The following UBE2O variants were observed in gnomAD, a reference collection of about 807,000 sequenced individuals.
UBE2O encodes the protein ubiquitin conjugating enzyme E2 O, also known as (E3-independent) E2 ubiquitin-conjugating enzyme.
In UBE2O, 15 loss-of-function variants were observed where a neutral mutation model predicts 125.8. The ratio of observed to expected loss-of-function variants is 0.12; its 90% CI spans 0.08 to 0.18. The LOEUF is 0.18. Ranked by LOEUF, UBE2O falls within the 10% of genes least tolerant of loss-of-function variation. UBE2O has a pLI of 1.00. For missense variants in UBE2O, 1,280 were observed against 1,723.6 expected, an observed-to-expected ratio of 0.74 and a Z score of 4.56; for synonymous variants, 708 against 703.2, an observed-to-expected ratio of 1.01 and a Z score of -0.11.
At chr17:76,420,382 C>T (rs1670876069) in intron 1 of UBE2O, among the ~76,000 whole-genome samples, 1 of 152,136 alleles carries the variant, frequency 6.6e-6, no homozygotes, top group Admixed American at 6.5e-5. Flanking sequence ...CCTATCTTCC[C>T]ACAGTGGTCC....
At chr17:76,394,586 A>G (rs927474232) in intron 15 of UBE2O, among the ~76,000 whole-genome samples, 3 of 152,248 alleles carry the variant, frequency 2.0e-5, no homozygotes, top group East Asian at 3.8e-4. Flanking sequence ...TAAACAAATC[A>G]TACAAAATAT....
At position 76,390,540 on chromosome 17, in the gene UBE2O, A is replaced by AC. The variant is rs3833087; in HGVS notation, c.*402dup. ...AGGGACCAGGGGAATTGTTGGCGCA[A>AC]CCCACACTTCATGCAAGGCACATGT... On this transcript the variant is annotated 3_prime_UTR_variant, in exon 18 of 18. Transcript: ENST00000319380. 41 of 172,430 alleles carry AC rather than the reference A, an allele frequency of 2.4e-4. No homozygotes were observed. In the East Asian group the frequency reaches 6.1e-3, roughly 26 times the overall value. The allele number at this position is 172,430 out of a possible 1,614,324, so 10.7% of individuals were successfully genotyped here.
intron 1 of UBE2O, among the ~76,000 whole-genome samples, chr17:76,444,396 T>C (rs2073122919): frequency 6.6e-6 from 1 of 151,978 alleles, no homozygotes; most frequent in South Asian, 2.1e-4. Context: ...TACAAAAATA[T>C]TTTAAAAAGC....
At chr17:76,431,058 T>A in intron 1 of UBE2O, 2 of 192,528 alleles carry the variant, frequency 1.0e-5, no homozygotes, top group South Asian at 1.7e-4. Context: ...TCTGTGAAAT[T>A]CCTTTGCTTT....
chr17:76,416,507 G>A (rs1056621275), intron 1 of UBE2O, among the ~76,000 whole-genome samples: 9 of 152,160 alleles, frequency 5.9e-5, no homozygotes, highest in Non-Finnish European at 8.8e-5. Context: ...AGGAGAAGAG[G>A]AGCCCTGGAG....
intron 5 of UBE2O, 92 bp from the exon 6 acceptor site, chr17:76,401,246 T>G (rs1229679477): frequency 2.0e-6 from 3 of 1,467,630 alleles, no homozygotes; most frequent in African/African-American, 2.8e-5. Flanking sequence ...GCTGCCCACC[T>G]GCAGAAGCCC....
intron 1 of UBE2O, among the ~76,000 whole-genome samples, chr17:76,450,744 C>A (rs953500968): frequency 9.9e-5 from 15 of 152,152 alleles, no homozygotes; most frequent in African/African-American, 3.6e-4. Flanking sequence ...GCCTCAGCCT[C>A]CCGAGTAGCT....
intron 1 of UBE2O, among the ~76,000 whole-genome samples, chr17:76,416,152 G>A (rs2072611162): frequency 6.6e-6 from 1 of 151,592 alleles, no homozygotes; most frequent in Non-Finnish European, 1.5e-5. Flanking sequence ...TATATAAAGT[G>A]TGGCTTTATA....
In UBE2O at chr17:76,399,231, T is replaced by C; in HGVS notation, c.1628+218A>G. The stretch of plus-strand genomic sequence containing the variant: ...CAAATGTGGTTCCAGAAGGCCAAGC[T>C]TAAGGCCACCACCATCCCACCCTCT... On this transcript the variant is annotated intron_variant, in intron 9 of 17. Transcript: ENST00000319380. The surrounding 1 kb of genome is among the most constrained non-coding windows in gnomAD (Gnocchi z 6.9). The C allele has an allele frequency of 2.8e-6, 2 of 712,272 alleles. No homozygotes were observed. The highest frequency in any genetic ancestry group is 4.6e-6 in the Non-Finnish European group (2 of 437,802). The allele number at this position is 712,272 out of a possible 1,614,324, so 44.1% of individuals were successfully genotyped here. A position where few individuals can be genotyped will look rare whatever the true frequency, so the allele number is the denominator to read the frequency against.
In UBE2O at chr17:76,400,325, T is replaced by C; in HGVS notation, c.1005-28A>G. Reference sequence around the variant, plus strand: ...GGTTGGGGAAGAAGTGGGGGTGAGCTGGGCTGGACTCCTGGGAGGCCAGCA... The same window carrying C: ...GGTTGGGGAAGAAGTGGGGGTGAGCCGGGCTGGACTCCTGGGAGGCCAGCA... On this transcript the variant is annotated intron_variant, in intron 7 of 17. Coordinates refer to ENST00000319380, the MANE Select transcript of UBE2O (RefSeq NM_022066.4). This position sits in a 1 kb window ranked among gnomAD's most constrained non-coding sequence, Gnocchi z 4.3. 6.2e-7 allele frequency: 1 copy of C among 1,610,076 alleles called. No individual in the cohort carries two copies. The highest frequency in any genetic ancestry group is 8.5e-7 in the Non-Finnish European group (1 of 1,177,258).
At chr17:76,424,129 C>T (rs112100699) in intron 1 of UBE2O, among the ~76,000 whole-genome samples, 21,616 of 150,996 alleles carry the variant, frequency 0.14, 1,996 homozygotes, top group East Asian at 0.4. Context: ...AGGATGGTCT[C>T]GATCTCCTGA....
Position 76,405,478 on chromosome 17 carries a change from C to T in UBE2O, c.477+35G>A, listed in dbSNP as rs200497213. Reference sequence around the variant, plus strand: ...CTCAAGTCCCTAAGGTGGCTGCCCCCAGGCCCGGGGCTGGGGTGGGGACGC... The same window carrying T: ...CTCAAGTCCCTAAGGTGGCTGCCCCTAGGCCCGGGGCTGGGGTGGGGACGC... On this transcript the variant is annotated intron_variant, in intron 2 of 17. Coordinates refer to ENST00000319380, the MANE Select transcript of UBE2O (RefSeq NM_022066.4). This position sits in a 1 kb window ranked among gnomAD's most constrained non-coding sequence, Gnocchi z 6.1. The T allele has an allele frequency of 2.5e-6, 4 of 1,585,182 alleles. No individual in the cohort carries two copies. In the East Asian group the frequency reaches 9.1e-5, roughly 36 times the overall value.
At chr17:76,439,786 T>C (rs994437246) in intron 1 of UBE2O, among the ~76,000 whole-genome samples, 1 of 152,152 alleles carries the variant, frequency 6.6e-6, no homozygotes. Flanking sequence ...TTCCAAGCTC[T>C]TATCTTTCAA....
rs1355992365 is a variant in UBE2O at position 76,399,674 on chromosome 17, CCTT to C, written c.1400_1402del (p.Glu467del). The C allele has an allele frequency of 1.2e-6, 2 of 1,614,062 alleles. No individual in the cohort carries two copies. The highest frequency in any genetic ancestry group is 4.5e-5 in the East Asian group (2 of 44,888). ...TGCCGAGTGCAGCCTGTCATCTCTG[CCTT>C]CTTTTAGCAGGAATGGGGGCAGCTG... is the stretch of plus-strand genomic sequence containing the variant. On this transcript the variant is annotated inframe_deletion, in exon 9 of 18. Coordinates refer to ENST00000319380, the MANE Select transcript of UBE2O (RefSeq NM_022066.4). The surrounding 1 kb of genome is among the most constrained non-coding windows in gnomAD (Gnocchi z 6.9).
In UBE2O at chr17:76,391,580, T is replaced by C; in HGVS notation, c.3242A>G (p.Glu1081Gly). 6.2e-7 allele frequency: 1 copy of C among 1,614,080 alleles called. No individual in the cohort carries two copies. Among genetic ancestry groups the C allele is most frequent in the Non-Finnish European group, 8.5e-7 (1 of 1,179,986 alleles). The change falls in exon 18 of 18, where the codon GAA becomes GGA. Residue 1081 changes from glutamate to glycine, a missense_variant. Glu to Gly is a moderately conservative substitution (Grantham distance 98). This residue lies in a region of UBE2O where 37 missense variants were observed against 115.6 expected (regional missense o/e 0.32). Transcript: ENST00000319380. This position sits in a 1 kb window ranked among gnomAD's most constrained non-coding sequence, Gnocchi z 8.4. ...LILVNEPYYN[E>G]AGFDSDRGLQ... is the part of the protein sequence containing the mutation. ...GCCTCGGTCACTGTCGAAGCCGGCT[T>C]CGTTGTAGTATGGTTCATTTACCAG... is the stretch of plus-strand genomic sequence containing the variant.
At chr17:76,437,310 C>T (rs1168067440) in intron 1 of UBE2O, among the ~76,000 whole-genome samples, 1 of 151,656 alleles carries the variant, frequency 6.6e-6, no homozygotes, top group Non-Finnish European at 1.5e-5. Flanking sequence ...ATTAGCCGGG[C>T]GTGGTGGCGG....
Position 76,405,430 on chromosome 17 carries a change from A to G in UBE2O, c.477+83T>C. 6.6e-7 allele frequency: 1 copy of G among 1,515,778 alleles called. No homozygotes were observed. Among genetic ancestry groups the G allele is most frequent in the Non-Finnish European group, 9.0e-7 (1 of 1,108,872 alleles). The allele number at this position is 1,515,778 out of a possible 1,614,324, so 93.9% of individuals were successfully genotyped here. A position where few individuals can be genotyped will look rare whatever the true frequency, so the allele number is the denominator to read the frequency against. ...CTGCAGAGCTGGCCAGTTCTCCCACATGCAGAGTGCGAGGTGGGCAGGCTC... is the reference window on the plus strand; with the variant it reads ...CTGCAGAGCTGGCCAGTTCTCCCACGTGCAGAGTGCGAGGTGGGCAGGCTC... On this transcript the variant is annotated intron_variant, in intron 2 of 17. Coordinates refer to ENST00000319380, the MANE Select transcript of UBE2O (RefSeq NM_022066.4). The surrounding 1 kb of genome is among the most constrained non-coding windows in gnomAD (Gnocchi z 6.1).
In UBE2O at chr17:76,404,041, C is replaced by T. The variant is rs576167332; in HGVS notation, c.588+1165G>A. Reference sequence around the variant, plus strand: ...CATAAATAGGGCAGAAGATAAAGCTCTTCTACAGAGCAGAATGCCAGCTAA... The same window carrying T: ...CATAAATAGGGCAGAAGATAAAGCTTTTCTACAGAGCAGAATGCCAGCTAA... On this transcript the variant is annotated intron_variant, in intron 3 of 17. Coordinates refer to ENST00000319380, the MANE Select transcript of UBE2O (RefSeq NM_022066.4). This position sits in a 1 kb window ranked among gnomAD's most constrained non-coding sequence, Gnocchi z 4.3. Among the ~76,000 whole-genome samples the T allele has an allele frequency of 1.4e-4, 22 of 152,278 alleles. No homozygotes were observed. In the South Asian group the frequency reaches 4.1e-3, roughly 29 times the overall value.
intron 1 of UBE2O, among the ~76,000 whole-genome samples, chr17:76,420,470 G>A (rs914962827): frequency 4.6e-5 from 7 of 152,074 alleles, no homozygotes; most frequent in African/African-American, 7.2e-5. Context: ...TTACAGACTC[G>A]CCCACATCTT....
Sources: gnomAD v4.1 joint callset for allele counts (sites outside exome capture counted in the v4.1 genomes callset) on GRCh38, gnomAD v4.1.1 for gene constraint, gnomAD v4.1.1 regional missense constraint, Gnocchi (gnomAD v3.1) non-coding constraint, MANE v1.5 for transcripts, NCBI Gene and HGNC (gene_info 2026-07-23, HGNC 2026-07-21) for gene names.